Variants in MYH14 observed in about 807,000 individuals in gnomAD.
The protein encoded by MYH14 is myosin-14.
MYH14 carries 123 observed loss-of-function variants against 255.5 expected under a neutral mutation model. The observed-to-expected ratio is 0.48, with a 90% CI of 0.42 to 0.56. MYH14 has a LOEUF of 0.56. MYH14 is among the 20% of genes least tolerant of loss of function. MYH14 has a pLI of 0.00. For missense variants in MYH14, 2,423 were observed against 2,802.3 expected, an observed-to-expected ratio of 0.86 and a Z score of 3.06; for synonymous variants, 1,095 against 1,161.2, an observed-to-expected ratio of 0.94 and a Z score of 1.16.
chr19:50,217,806 G>A lies in MYH14; in HGVS notation c.562+35G>A, dbSNP rs777487871. The A allele has an allele frequency of 1.8e-5, 29 of 1,604,124 alleles. No individual in the cohort carries two copies. The Admixed American group carries it at 2.0e-4, about 11-fold the overall frequency. On this transcript the variant is annotated intron_variant, in intron 3 of 42. Transcript: ENST00000642316. Reference sequence around the variant, plus strand: ...GGGTGGGGCTGTAGGCCAGCGAGGCGGCTCTTCAACGGGGGCCTGACCTGG... The same window carrying A: ...GGGTGGGGCTGTAGGCCAGCGAGGCAGCTCTTCAACGGGGGCCTGACCTGG...
intron 11 of MYH14, among the ~76,000 whole-genome samples, chr19:50,246,066 G>A (rs2123290582): frequency 7.4e-6 from 1 of 134,276 alleles, no homozygotes; most frequent in East Asian, 2.3e-4. Context: ...CTTTTAGATA[G>A]AACTCTACTG....
intron 33 of MYH14, chr19:50,285,311 G>C (rs373139865): frequency 1.3e-5 from 2 of 152,218 alleles, no homozygotes; most frequent in East Asian, 1.9e-4. Flanking sequence ...ATTTGGAACT[G>C]TGTTGAATCT....
Position 50,280,066 on chromosome 19 carries a change from G to A in MYH14, c.4062G>A (p.Leu1354=), listed in dbSNP as rs745641140. ...AACTGGAGAATGTGTCTGGGGCGCT[G>A]AACGAGGCTGAGTCCAAAACCATCC... ...QAELENVSGA[L]NEAESKTIRL... is the part of the protein sequence containing the mutation. The change falls in exon 31 of 43, where the codon CTG becomes CTA. Residue 1354 remains leucine (L), a synonymous_variant. Transcript: ENST00000642316. This position sits in a 1 kb window ranked among gnomAD's most constrained non-coding sequence, Gnocchi z 4.8. The A allele has an allele frequency of 7.5e-6, 12 of 1,610,510 alleles. No individual in the cohort carries two copies. The highest frequency in any genetic ancestry group is 2.2e-5 in the East Asian group (1 of 44,766).
intron 18 of MYH14, 119 bp from the exon 19 acceptor site, chr19:50,259,025 C>T: frequency 2.2e-6 from 3 of 1,367,160 alleles, no homozygotes; most frequent in South Asian, 1.5e-5. Flanking sequence ...AGAACCGTTC[C>T]TAGGCACCTA....
intron 10 of MYH14, among the ~76,000 whole-genome samples, chr19:50,236,285 A>G (rs575893245): frequency 4.6e-5 from 7 of 152,222 alleles, no homozygotes; most frequent in Middle Eastern, 3.4e-3. Context: ...GTGAACCGAG[A>G]TCATGCCACT....
chr19:50,306,945 A>G, intron 40 of MYH14, 104 bp from the exon 41 acceptor site: 1 of 828,430 alleles, frequency 1.2e-6, no homozygotes, highest in Non-Finnish European at 2.0e-6. Context: ...GAAAGAGGGA[A>G]GAAGCCAATC....
chr19:50,256,944 A>G (rs1460749271), intron 17 of MYH14, among the ~76,000 whole-genome samples: 2 of 152,250 alleles, frequency 1.3e-5, no homozygotes, highest in South Asian at 2.1e-4. Context: ...CAGAGTATCT[A>G]TGCTAGGTAA....
chr19:50,296,751 A>G (rs566729262), intron 39 of MYH14, among the ~76,000 whole-genome samples: 1 of 152,376 alleles, frequency 6.6e-6, no homozygotes, highest in South Asian at 2.1e-4. Flanking sequence ...AGTTATGTCA[A>G]GAGCACGTAG....
chr19:50,225,885 A>G (rs1459463310), intron 7 of MYH14, among the ~76,000 whole-genome samples: 3 of 36,026 alleles, frequency 8.3e-5, no homozygotes, highest in African/African-American at 1.1e-4. Context: ...CTTGAGTCTG[A>G]GGGAGGAGGG....
chr19:50,275,774 C>T (rs1601002177), intron 27 of MYH14, among the ~76,000 whole-genome samples: 1 of 152,138 alleles, frequency 6.6e-6, no homozygotes, highest in African/African-American at 2.4e-5. Flanking sequence ...TGCAGTGAGC[C>T]GTGACTGCAC....
At chr19:50,213,341 C>A (rs1227708340) in intron 2 of MYH14, among the ~76,000 whole-genome samples, 2 of 152,180 alleles carry the variant, frequency 1.3e-5, no homozygotes, top group Non-Finnish European at 2.9e-5. Context: ...GAAGCTGAGC[C>A]TCAGACTAGG....
At chr19:50,218,566 C>A (rs982599276) in intron 3 of MYH14, among the ~76,000 whole-genome samples, 2 of 151,886 alleles carry the variant, frequency 1.3e-5, no homozygotes, top group African/African-American at 4.8e-5. Context: ...CCACTGCACT[C>A]CAGCCTGGGA....
chr19:50,212,278 T>C (rs1390415802), intron 2 of MYH14, among the ~76,000 whole-genome samples: 4 of 151,988 alleles, frequency 2.6e-5, no homozygotes, highest in African/African-American at 4.8e-5. Flanking sequence ...TCCAAGGAGG[T>C]TCTAATGGGC....
chr19:50,250,727 G>C lies in MYH14; in HGVS notation c.1830+39G>C. Reference sequence around the variant, plus strand: ...CCGGCCTTGGGGCATGTGGGAGTGGGGATCAAGGGATCTCCACTGGCTACA... The same window carrying C: ...CCGGCCTTGGGGCATGTGGGAGTGGCGATCAAGGGATCTCCACTGGCTACA... On this transcript the variant is annotated intron_variant, in intron 15 of 42. Transcript: ENST00000642316. This position sits in a 1 kb window ranked among gnomAD's most constrained non-coding sequence, Gnocchi z 5.4. 6.4e-7 allele frequency: 1 copy of C among 1,570,076 alleles called. No homozygotes were observed. The highest frequency in any genetic ancestry group is 8.7e-7 in the Non-Finnish European group (1 of 1,148,604).
intron 10 of MYH14, among the ~76,000 whole-genome samples, chr19:50,233,206 G>C (rs1963974968): frequency 6.6e-6 from 1 of 151,690 alleles, no homozygotes; most frequent in African/African-American, 2.4e-5. Flanking sequence ...GTCTCACTCT[G>C]TTACCCAGGC....
At chr19:50,236,318 G>GTT (rs1384775103) in intron 10 of MYH14, among the ~76,000 whole-genome samples, 1 of 152,022 alleles carries the variant, frequency 6.6e-6, no homozygotes, top group Non-Finnish European at 1.5e-5. Flanking sequence ...GGGCGACAAA[G>GTT]TGAGACTCTG....
intron 17 of MYH14, 80 bp downstream of exon 17, chr19:50,255,398 A>C: frequency 1.9e-6 from 2 of 1,044,944 alleles, no homozygotes; most frequent in Non-Finnish European, 2.9e-6. Flanking sequence ...CTGGTTTTGA[A>C]CATCTGTCCC....
rs2034876388 is a variant in MYH14, at chr19:50,261,541, G to A, written c.2491G>A (p.Gly831Arg). 1.3e-6 allele frequency: 2 copies of A among 1,595,816 alleles called. No individual in the cohort carries two copies. The highest frequency in any genetic ancestry group is 2.3e-5 in the East Asian group (1 of 43,630). The change falls in exon 21 of 43, where the codon GGG becomes AGG. Residue 831 changes from glycine to arginine, a missense_variant. Around this residue, in one of 3 missense-constraint regions of MYH14, gnomAD observed 1,513 missense variants for 1,674.8 expected, o/e 0.90. Transcript: ENST00000642316. ...VGQSKIFFRA[G>R]VLAQLEEERD... ...ACAGAGCAAGATCTTCTTCCGGGCTGGGGTCCTGGCCCAGCTGGAAGAGGA... is the reference window on the plus strand; with the variant it reads ...ACAGAGCAAGATCTTCTTCCGGGCTAGGGTCCTGGCCCAGCTGGAAGAGGA...
chr19:50,250,720 G>A lies in MYH14; in HGVS notation c.1830+32G>A. On this transcript the variant is annotated intron_variant, in intron 15 of 42. Transcript: ENST00000642316. This position sits in a 1 kb window ranked among gnomAD's most constrained non-coding sequence, Gnocchi z 5.4. Reference sequence around the variant, plus strand: ...GCTGGGGCCGGCCTTGGGGCATGTGGGAGTGGGGATCAAGGGATCTCCACT... The same window carrying A: ...GCTGGGGCCGGCCTTGGGGCATGTGAGAGTGGGGATCAAGGGATCTCCACT... The A allele has an allele frequency of 2.5e-6, 4 of 1,590,396 alleles. No homozygotes were observed. Among genetic ancestry groups the A allele is most frequent in the Admixed American group, 1.7e-5 (1 of 59,132 alleles).
Sources: gnomAD v4.1 joint callset for allele counts (sites outside exome capture counted in the v4.1 genomes callset) on GRCh38, gnomAD v4.1.1 for gene constraint, gnomAD v4.1.1 regional missense constraint, Gnocchi (gnomAD v3.1) non-coding constraint, MANE v1.5 for transcripts, NCBI Gene and HGNC (gene_info 2026-07-23, HGNC 2026-07-21) for gene names.